Variants in PCDHA4 observed in about 807,000 individuals in gnomAD.
PCDHA4 encodes protocadherin alpha-4.
A neutral mutation model predicts 61.4 loss-of-function variants in PCDHA4; 49 were observed. That is an observed-to-expected ratio of 0.80 (90% CI 0.63 to 1.01). PCDHA4 has a LOEUF of 1.01. Among genes scored for constraint, PCDHA4 ranks in the 50% least tolerant of loss-of-function variants. The pLI is 0.00. For missense variants in PCDHA4, 1,254 were observed against 1,235.8 expected (o/e 1.01, Z -0.22); for synonymous variants, 590 against 550.3 (o/e 1.07, Z -1.01).
intron 1 of PCDHA4, chr5:140,929,377 CTGT>C (rs782747382): frequency 6.6e-7 from 1 of 1,514,350 alleles, no homozygotes; most frequent in Non-Finnish European, 8.8e-7. Flanking sequence ...TGGCTGCTAG[CTGT>C]GTTTTGAAAT....
intron 1 of PCDHA4, among the ~76,000 whole-genome samples, chr5:140,940,877 T>G (rs2092697297): frequency 2.0e-5 from 3 of 152,378 alleles, no homozygotes; most frequent in East Asian, 3.9e-4. Flanking sequence ...GAGTGAATAC[T>G]ACTGCTAGTA....
chr5:140,864,396 G>A (rs2048459702), intron 1 of PCDHA4: 1 of 152,210 alleles, frequency 6.6e-6, no homozygotes, highest in Non-Finnish European at 1.5e-5. Context: ...CACAAATGGT[G>A]ATGAGCAGGG....
At chr5:140,995,577 A>G (rs892793952) in intron 3 of PCDHA4, among the ~76,000 whole-genome samples, 7 of 152,242 alleles carry the variant, frequency 4.6e-5, no homozygotes, top group Non-Finnish European at 1.0e-4. Flanking sequence ...AAGATGAGCT[A>G]TGAGCTTTTA....
chr5:140,990,956 G>T (rs1179435982), intron 3 of PCDHA4, among the ~76,000 whole-genome samples: 1 of 152,136 alleles, frequency 6.6e-6, no homozygotes, highest in Non-Finnish European at 1.5e-5. Context: ...TGTAGAAATA[G>T]TCTCTTAGAA....
At position 140,841,437 on chromosome 5, in the gene PCDHA4, C is replaced by G. The variant is rs2150315470; in HGVS notation, c.2385+31865C>G. The G allele has an allele frequency of 7.8e-4, 1,255 of 1,612,956 alleles. 28 individuals are homozygous for G. The East Asian group carries it at 0.027, about 34-fold the overall frequency. ...CTCCACTACTCCGTCCCCGAGGAGG[C>G]CAAACACGGCACCTTCGTGGGCCGG... On this transcript the variant is annotated intron_variant, in intron 1 of 3. Coordinates refer to ENST00000530339, the MANE Select transcript of PCDHA4 (RefSeq NM_018907.4).
intron 1 of PCDHA4, among the ~76,000 whole-genome samples, chr5:140,941,301 TTTC>T (rs1554214297): frequency 1.4e-5 from 2 of 143,748 alleles, no homozygotes; most frequent in African/African-American, 2.6e-5. Flanking sequence ...TCTTTCTTTC[TTTC>T]TTTTTCTTCT....
At chr5:140,876,673 T>C (rs1554168774) in intron 1 of PCDHA4, 1 of 1,614,206 alleles carries the variant, frequency 6.2e-7, no homozygotes, top group Non-Finnish European at 8.5e-7. Flanking sequence ...GGTGTCCACC[T>C]ACAAGAATTA....
At chr5:140,967,593 T>C (rs2096161783) in intron 1 of PCDHA4, 2 of 1,614,078 alleles carry the variant, frequency 1.2e-6, no homozygotes, top group Non-Finnish European at 1.7e-6. Context: ...GGCACATTGG[T>C]GGTGAAGCTG....
intron 1 of PCDHA4, chr5:140,876,694 G>A (rs1196941664): frequency 6.2e-7 from 1 of 1,614,142 alleles, no homozygotes; most frequent in African/African-American, 1.3e-5. Flanking sequence ...CTACTCGTTG[G>A]TGCTGGACAG....
intron 1 of PCDHA4, among the ~76,000 whole-genome samples, chr5:140,939,059 T>C (rs2092309221): frequency 6.6e-6 from 1 of 152,234 alleles, no homozygotes; most frequent in Non-Finnish European, 1.5e-5. Flanking sequence ...TTTGGGCTGC[T>C]ATATCAAAAT....
At position 140,951,559 on chromosome 5, in the gene PCDHA4, G is replaced by A. The variant is rs545470803; in HGVS notation, c.2386-27390G>A. On this transcript the variant is annotated intron_variant, in intron 1 of 3. Transcript: ENST00000530339. ...AGCAAGGGACGGGGGGAAGTGCTAC[G>A]CACTTTTAAACAACCAGATTTCACG... 1.6e-4 allele frequency among the ~76,000 whole-genome samples: 25 copies of A among 152,040 alleles called. No individual in the cohort carries two copies. The South Asian group carries it at 5.2e-3, about 32-fold the overall frequency.
intron 1 of PCDHA4, chr5:140,828,262 G>C (rs2150153262): frequency 6.2e-7 from 1 of 1,614,018 alleles, no homozygotes; most frequent in South Asian, 1.1e-5. Context: ...TGGAGCTGGC[G>C]GAGCTGGTGC....
rs2098421123 is a variant in PCDHA4, at chr5:141,011,585, A to G, written c.*1648A>G. 6.5e-6 allele frequency: 1 copy of G among 153,746 alleles called. No individual in the cohort carries two copies. The highest frequency in any genetic ancestry group is 1.5e-5 in the Non-Finnish European group (1 of 68,036). 9.5% of individuals were successfully genotyped at this position (153,746 alleles called of 1,614,324 possible). ...TAAAATTTCTTTCTTAAATCAAGAT[A>G]CTGGTGATTCAAGGAATTTTATTTA... On this transcript the variant is annotated 3_prime_UTR_variant, in exon 4 of 4. Coordinates refer to ENST00000530339, the MANE Select transcript of PCDHA4 (RefSeq NM_018907.4).
intron 3 of PCDHA4, among the ~76,000 whole-genome samples, chr5:140,991,204 A>C (rs1416431011): frequency 6.6e-6 from 1 of 152,198 alleles, no homozygotes; most frequent in East Asian, 1.9e-4. Flanking sequence ...ATGCTCAATA[A>C]ATTTTGTTAA....
At chr5:140,861,726 T>C (rs571512824) in intron 1 of PCDHA4, 11 of 216,910 alleles carry the variant, frequency 5.1e-5, no homozygotes, top group African/African-American at 2.6e-4. Flanking sequence ...AATGCTCTGA[T>C]GACTTACATA....
At chr5:141,009,279 A>T (rs2098404369) in intron 3 of PCDHA4, among the ~76,000 whole-genome samples, 1 of 152,124 alleles carries the variant, frequency 6.6e-6, no homozygotes, top group Non-Finnish European at 1.5e-5. Flanking sequence ...ACATAGTGAG[A>T]TCCCATTTCT....
At chr5:140,871,564 C>T (rs782409405) in intron 1 of PCDHA4, 16 of 1,482,712 alleles carry the variant, frequency 1.1e-5, no homozygotes, top group East Asian at 2.5e-5. Flanking sequence ...TTTTTTTTCA[C>T]GGATTTTTTA....
Position 141,009,823 on chromosome 5 carries a change from C to T in PCDHA4, c.2730C>T (p.Phe910=), listed in dbSNP as rs2098414711. Residue 910 remains phenylalanine, a synonymous_variant, in exon 4 of 4, where the codon TTC becomes TTT. Transcript: ENST00000530339. The part of the protein sequence containing the change: ...PTNSQIDKSD[F]ITFGKKEETK... ...ACAGCCAAATTGACAAAAGTGACTTCATAACCTTCGGCAAAAAGGAGGAGA... is the reference window on the plus strand; with the variant it reads ...ACAGCCAAATTGACAAAAGTGACTTTATAACCTTCGGCAAAAAGGAGGAGA... 4 of 1,614,030 alleles carry T rather than the reference C, an allele frequency of 2.5e-6. No individual in the cohort carries two copies. The highest frequency in any genetic ancestry group is 3.4e-6 in the Non-Finnish European group (4 of 1,180,010).
At chr5:140,964,771 A>C (rs2095853520) in intron 1 of PCDHA4, among the ~76,000 whole-genome samples, 1 of 152,022 alleles carries the variant, frequency 6.6e-6, no homozygotes, top group South Asian at 2.1e-4. Context: ...GGATGCAGAG[A>C]GAAGAGGAAG....
Sources: allele counts gnomAD v4.1 joint callset (sites outside exome capture counted in the v4.1 genomes callset), GRCh38; gene constraint gnomAD v4.1.1; transcripts MANE v1.5; gene names NCBI Gene and HGNC (gene_info 2026-07-23, HGNC 2026-07-21).